The following SORCS2 variants were observed in gnomAD, a reference collection of about 807,000 sequenced individuals.
SORCS2 encodes VPS10 domain-containing receptor SorCS2.
In SORCS2, 100 loss-of-function variants were observed where a neutral mutation model predicts 141.6. The observed-to-expected ratio is 0.71, with a 90% CI of 0.60 to 0.83. The LOEUF (loss-of-function observed/expected upper bound fraction) is 0.83, where lower values mean the gene tolerates loss of function less well. Ranked by LOEUF, SORCS2 falls within the 40% of genes least tolerant of loss-of-function variation. The probability of loss-of-function intolerance (pLI) is 0.00; values close to 1 mark genes in which losing one functional copy is unlikely to be tolerated. For synonymous variants in SORCS2, 789 were observed against 676.9 expected (o/e 1.17, Z -2.57); for missense variants, 1,646 against 1,560.2 (o/e 1.05, Z -0.93).
chr4:7,701,625 G>T (rs1725090602), intron 12 of SORCS2, among the ~76,000 whole-genome samples: 1 of 152,166 alleles, frequency 6.6e-6, no homozygotes. Flanking sequence ...GGAGCATGGG[G>T]GTCAGGGTAC....
At chr4:7,604,590 C>T (rs557645523) in intron 3 of SORCS2, among the ~76,000 whole-genome samples, 7 of 152,190 alleles carry the variant, frequency 4.6e-5, no homozygotes, top group Non-Finnish European at 1.0e-4. Context: ...TGAGCCGCCG[C>T]GCCCGGCCTA....
chr4:7,540,228 C>T (rs1299711883), intron 3 of SORCS2, among the ~76,000 whole-genome samples: 1 of 149,464 alleles, frequency 6.7e-6, no homozygotes, highest in African/African-American at 2.5e-5. Flanking sequence ...CTGCCTCTCC[C>T]TGCCCCTGCC....
At chr4:7,541,699 G>T (rs985536469) in intron 3 of SORCS2, among the ~76,000 whole-genome samples, 2 of 152,352 alleles carry the variant, frequency 1.3e-5, no homozygotes, top group South Asian at 4.1e-4. Context: ...GCATCATGTT[G>T]CAGACCAGAG....
At chr4:7,206,746 C>T (rs538172762) in intron 1 of SORCS2, among the ~76,000 whole-genome samples, 1 of 152,094 alleles carries the variant, frequency 6.6e-6, no homozygotes, top group Non-Finnish European at 1.5e-5. Context: ...CAGGGTACTC[C>T]GTGGTGAGAA....
At chr4:7,583,571 T>TTTCCCCCA (rs1399193552) in intron 3 of SORCS2, among the ~76,000 whole-genome samples, 1 of 152,150 alleles carries the variant, frequency 6.6e-6, no homozygotes, top group Non-Finnish European at 1.5e-5. Flanking sequence ...ATGGGGGCAG[T>TTTCCCCCA]TTCCCCCATA....
In SORCS2 at chr4:7,567,585, C is replaced by G. The variant is rs140060211; in HGVS notation, c.648+35956C>G. Among the ~76,000 whole-genome samples, 5 of 152,292 alleles carry G rather than the reference C, an allele frequency of 3.3e-5. No individual in the cohort carries two copies. In the East Asian group the frequency reaches 9.6e-4, roughly 29 times the overall value. ...GGCCACACCCTGCCAACAGGACTTA[C>G]CACTGTTGACACTGACCCTTGTCAC... On this transcript the variant is annotated intron_variant, in intron 3 of 26. Coordinates refer to ENST00000507866, the MANE Select transcript of SORCS2 (RefSeq NM_020777.3).
Position 7,192,579 on chromosome 4 carries a change from G to A in SORCS2, c.-68G>A. ...CGCTCGCGCTCCCCAGCGCCCTCCT[G>A]CTCTCCCGGCCGCGGTCCCCTCGTC... On this transcript the variant is annotated 5_prime_UTR_variant, in exon 1 of 27. Coordinates refer to ENST00000507866, the MANE Select transcript of SORCS2 (RefSeq NM_020777.3). The surrounding 1 kb of genome is among the most constrained non-coding windows in gnomAD (Gnocchi z 4.0). The A allele has an allele frequency of 1.0e-6, 1 of 985,808 alleles. No homozygotes were observed. Among genetic ancestry groups the A allele is most frequent in the African/African-American group, 1.8e-5 (1 of 57,076 alleles). 61.1% of individuals were successfully genotyped at this position (985,808 alleles called of 1,614,324 possible).
chr4:7,737,018 G>A, intron 25 of SORCS2, 51 bp from the exon 26 acceptor site: 1 of 1,546,596 alleles, frequency 6.5e-7, no homozygotes, highest in Non-Finnish European at 8.7e-7. Context: ...CCAGGGACAG[G>A]CGGCCTGGGA....
At chr4:7,395,166 C>T (rs185708077) in intron 1 of SORCS2, among the ~76,000 whole-genome samples, 76 of 140,418 alleles carry the variant, frequency 5.4e-4, no homozygotes, top group African/African-American at 2.0e-3. Flanking sequence ...TCTCGGGCAA[C>T]AGCCCCTCCT....
intron 3 of SORCS2, among the ~76,000 whole-genome samples, chr4:7,578,720 A>T (rs748620927): frequency 4.2e-4 from 64 of 152,114 alleles, no homozygotes; most frequent in Non-Finnish European, 7.8e-4. Context: ...CCCCGACTTG[A>T]CGGCTTTGAC....
chr4:7,339,369 G>C (rs1387979000), intron 1 of SORCS2, among the ~76,000 whole-genome samples: 2 of 152,240 alleles, frequency 1.3e-5, no homozygotes, highest in Admixed American at 6.5e-5. Flanking sequence ...AGTTGTATGA[G>C]TCAGCCACAG....
intron 1 of SORCS2, among the ~76,000 whole-genome samples, chr4:7,300,605 G>C (rs1228670161): frequency 1.3e-5 from 2 of 152,226 alleles, no homozygotes; most frequent in Non-Finnish European, 2.9e-5. Context: ...AGTAGGTACT[G>C]TCATTATGCC....
intron 3 of SORCS2, among the ~76,000 whole-genome samples, chr4:7,562,742 C>T (rs1425826405): frequency 6.6e-6 from 1 of 152,184 alleles, no homozygotes; most frequent in Non-Finnish European, 1.5e-5. Context: ...AGGGCAGTTT[C>T]CTTCCTTGCC....
At chr4:7,639,947 G>A (rs1301422075) in intron 4 of SORCS2, among the ~76,000 whole-genome samples, 2 of 151,672 alleles carry the variant, frequency 1.3e-5, no homozygotes, top group Admixed American at 1.3e-4. Flanking sequence ...CTGTGTTTGT[G>A]AGAATGAGTG....
At chr4:7,636,830 C>G (rs1720288729) in intron 3 of SORCS2, among the ~76,000 whole-genome samples, 1 of 152,096 alleles carries the variant, frequency 6.6e-6, no homozygotes, top group Admixed American at 6.5e-5. Context: ...ACCTGGGGAG[C>G]TGAAAACAGC....
intron 26 of SORCS2, among the ~76,000 whole-genome samples, chr4:7,737,776 G>T (rs1277588413): frequency 6.6e-6 from 1 of 152,218 alleles, no homozygotes; most frequent in African/African-American, 2.4e-5. Context: ...TGGTGTCTGG[G>T]AGCTGACTGG....
intron 12 of SORCS2, among the ~76,000 whole-genome samples, chr4:7,702,295 A>T (rs1016369235): frequency 2.6e-4 from 39 of 152,136 alleles, no homozygotes; most frequent in African/African-American, 9.4e-4. Context: ...GGCGAGGGCG[A>T]TGTGTTGGAG....
At position 7,648,067 on chromosome 4, in the gene SORCS2, G is replaced by C. The variant is rs1213143125; in HGVS notation, c.814-6067G>C. Among the ~76,000 whole-genome samples, 1 of 152,136 alleles carries C rather than the reference G, an allele frequency of 6.6e-6. No individual in the cohort carries two copies. Among genetic ancestry groups the C allele is most frequent in the African/African-American group, 2.4e-5 (1 of 41,446 alleles). On this transcript the variant is annotated intron_variant, in intron 4 of 26. Transcript: ENST00000507866. The surrounding 1 kb of genome is among the most constrained non-coding windows in gnomAD (Gnocchi z 4.2). ...AAGTGGGGTGGCCTGAGATGGAATG[G>C]GGTGCCGGCCCCTGAGGGCTCTGCT...
intron 1 of SORCS2, among the ~76,000 whole-genome samples, chr4:7,215,489 G>A (rs79072372): frequency 6.6e-6 from 1 of 151,906 alleles, no homozygotes; most frequent in Non-Finnish European, 1.5e-5. Flanking sequence ...CAGTCCCATC[G>A]ACCACCCAAG....
Sources: gnomAD v4.1 joint callset for allele counts (sites outside exome capture counted in the v4.1 genomes callset) on GRCh38, gnomAD v4.1.1 for gene constraint, Gnocchi (gnomAD v3.1) non-coding constraint, MANE v1.5 for transcripts, NCBI Gene and HGNC (gene_info 2026-07-23, HGNC 2026-07-21) for gene names.